The following PIEZO2 variants were observed in gnomAD, a reference collection of about 807,000 sequenced individuals.
PIEZO2 encodes the protein piezo type mechanosensitive ion channel component 2.
Under a neutral mutation model 337.3 loss-of-function variants are expected in PIEZO2, and 172 were observed. That is an observed-to-expected ratio of 0.51 (90% CI 0.45 to 0.58). The LOEUF (loss-of-function observed/expected upper bound fraction) is 0.58. Among genes scored for constraint, PIEZO2 ranks in the 20% least tolerant of loss-of-function variants. The pLI is 0.00. For synonymous variants in PIEZO2, 1,251 were observed against 1,228.5 expected (o/e 1.02, Z -0.38); for missense variants, 3,028 against 3,391.3 (o/e 0.89, Z 2.66).
chr18:11,058,470 C>G (rs556440368), intron 2 of PIEZO2, among the ~76,000 whole-genome samples: 2 of 152,106 alleles, frequency 1.3e-5, no homozygotes, highest in Non-Finnish European at 2.9e-5. Context: ...GATGATCAAA[C>G]TACTCTGAGC....
chr18:11,023,970 G>A (rs1025366031), intron 2 of PIEZO2, among the ~76,000 whole-genome samples: 2 of 152,156 alleles, frequency 1.3e-5, no homozygotes, highest in Non-Finnish European at 1.5e-5. Context: ...ACGCCCACCC[G>A]TAACTCCAGC....
In PIEZO2 at chr18:10,988,901, T is replaced by C. The variant is rs1291091776; in HGVS notation, c.161-9241A>G. Among the ~76,000 whole-genome samples, 1 of 151,246 alleles carries C rather than the reference T, an allele frequency of 6.6e-6. No homozygotes were observed. Among genetic ancestry groups the C allele is most frequent in the Non-Finnish European group, 1.5e-5 (1 of 67,818 alleles). On this transcript the variant is annotated intron_variant, in intron 2 of 55. Transcript: ENST00000674853. This position sits in a 1 kb window ranked among gnomAD's most constrained non-coding sequence, Gnocchi z 4.8. The stretch of plus-strand genomic sequence containing the variant: ...TAGCCTAACTTGTAGAAGCAGAGAG[T>C]AGAATGGTGGTTATAAGGGGCTGGG...
intron 2 of PIEZO2, among the ~76,000 whole-genome samples, chr18:11,000,976 TG>T (rs1166977236): frequency 6.6e-6 from 1 of 152,180 alleles, no homozygotes; most frequent in Non-Finnish European, 1.5e-5. Context: ...AAATTAAACA[TG>T]GGCTGTCCCC....
chr18:10,880,567 G>T (rs1414250905), intron 4 of PIEZO2, among the ~76,000 whole-genome samples: 1 of 152,036 alleles, frequency 6.6e-6, no homozygotes, highest in East Asian at 1.9e-4. Context: ...GCAAATCAGA[G>T]TTGGTGGAAA....
intron 47 of PIEZO2, 64 bp from the exon 48 acceptor site, chr18:10,691,447 T>A: frequency 2.0e-6 from 3 of 1,525,104 alleles, no homozygotes; most frequent in East Asian, 4.6e-5. Context: ...AGGATGGCAG[T>A]GTCAAATTAA....
rs1414117252 is a variant in PIEZO2, at chr18:11,092,893, G to A, written c.65-26671C>T. Among the ~76,000 whole-genome samples, 1 of 152,120 alleles carries A rather than the reference G, an allele frequency of 6.6e-6. No individual in the cohort carries two copies. The highest frequency in any genetic ancestry group is 1.9e-4 in the East Asian group (1 of 5,204). On this transcript the variant is annotated intron_variant, in intron 1 of 55. Transcript: ENST00000674853. This position sits in a 1 kb window ranked among gnomAD's most constrained non-coding sequence, Gnocchi z 4.5. The stretch of plus-strand genomic sequence containing the variant: ...CACATCTCTTGCTATTCCCCCTCAA[G>A]AACTGTTCTCAAAAAATTGGCTTAA...
At chr18:11,055,360 A>C (rs2037692101) in intron 2 of PIEZO2, among the ~76,000 whole-genome samples, 2 of 152,222 alleles carry the variant, frequency 1.3e-5, no homozygotes, top group Non-Finnish European at 2.9e-5. Flanking sequence ...TTTGTCGCAC[A>C]AATAATTTTG....
chr18:10,986,696 A>C (rs1009042360), intron 2 of PIEZO2, among the ~76,000 whole-genome samples: 11 of 152,020 alleles, frequency 7.2e-5, no homozygotes, highest in African/African-American at 2.7e-4. Context: ...TCTATTTGAC[A>C]TAGTATGGGA....
intron 2 of PIEZO2, among the ~76,000 whole-genome samples, chr18:11,005,940 C>T (rs2035703233): frequency 6.6e-6 from 1 of 152,220 alleles, no homozygotes. Flanking sequence ...CGTTCCATCA[C>T]ATTTTAGGAA....
At chr18:10,755,831 TGAG>T (rs74794516) in intron 27 of PIEZO2, among the ~76,000 whole-genome samples, 31,456 of 151,132 alleles carry the variant, frequency 0.21, 3,835 homozygotes, top group South Asian at 0.28. Flanking sequence ...GACCAAGGGA[TGAG>T]GAGGAGAGAT....
At chr18:10,698,180 A>G (rs2035182855) in intron 44 of PIEZO2, among the ~76,000 whole-genome samples, 1 of 152,210 alleles carries the variant, frequency 6.6e-6, no homozygotes, top group Admixed American at 6.5e-5. Flanking sequence ...GGTGTTCCAG[A>G]TAGGATGCCC....
chr18:11,053,149 A>G (rs888621986), intron 2 of PIEZO2, among the ~76,000 whole-genome samples: 4 of 152,200 alleles, frequency 2.6e-5, no homozygotes, highest in African/African-American at 4.8e-5. Flanking sequence ...TGTGAAAATT[A>G]AATTAATAAA....
chr18:10,851,826 G>A (rs1379967000), intron 7 of PIEZO2, among the ~76,000 whole-genome samples: 1 of 151,972 alleles, frequency 6.6e-6, no homozygotes, highest in Non-Finnish European at 1.5e-5. Context: ...AAGAGCATAT[G>A]GTTCTCAAAG....
chr18:10,763,185 A>T, intron 21 of PIEZO2, 87 bp from the exon 22 acceptor site: 1 of 1,392,580 alleles, frequency 7.2e-7, no homozygotes, highest in Non-Finnish European at 9.7e-7. Context: ...GACTTGATTT[A>T]CTCAGTTCGG....
At chr18:10,900,855 A>G (rs539148245) in intron 4 of PIEZO2, among the ~76,000 whole-genome samples, 4 of 152,148 alleles carry the variant, frequency 2.6e-5, no homozygotes, top group Admixed American at 6.5e-5. Flanking sequence ...TTTGCCTAAA[A>G]TCCTTTCAAT....
intron 3 of PIEZO2, among the ~76,000 whole-genome samples, chr18:10,918,123 C>T (rs1340464574): frequency 3.3e-5 from 5 of 151,984 alleles, no homozygotes; most frequent in African/African-American, 4.8e-5. Context: ...TGATATATAC[C>T]CAAGGAATAC....
At position 10,726,531 on chromosome 18, in the gene PIEZO2, TCTG is replaced by T; in HGVS notation, c.5029+4873_5029+4875del. The T allele has an allele frequency of 3.4e-6, 5 of 1,456,478 alleles. No homozygotes were observed. In the South Asian group the frequency reaches 5.5e-5, roughly 16 times the overall value. 90.2% of individuals were successfully genotyped at this position (1,456,478 alleles called of 1,614,324 possible). A position where few individuals can be genotyped will look rare whatever the true frequency, so the allele number is the denominator to read the frequency against. On this transcript the variant is annotated intron_variant, in intron 36 of 55. Transcript: ENST00000674853. This position sits in a 1 kb window ranked among gnomAD's most constrained non-coding sequence, Gnocchi z 5.9. ...CCGTTCCTGTGGCGCGCTGCGCTGC[TCTG>T]CTCTGCTACACCAGCCGCCACGCTG...
At chr18:10,691,503 C>A in intron 47 of PIEZO2, 120 bp from the exon 48 acceptor site, 1 of 1,020,712 alleles carries the variant, frequency 9.8e-7, no homozygotes, top group Non-Finnish European at 1.4e-6. Context: ...CAACTCAATT[C>A]TAATGAACTG....
chr18:11,062,571 C>A (rs1314911079), intron 2 of PIEZO2, among the ~76,000 whole-genome samples: 3 of 150,656 alleles, frequency 2.0e-5, no homozygotes, highest in African/African-American at 7.3e-5. Context: ...AAGAAAAAAA[C>A]AAACAACCCC....
Sources: gnomAD v4.1 joint callset for allele counts (sites outside exome capture counted in the v4.1 genomes callset) on GRCh38, gnomAD v4.1.1 for gene constraint, Gnocchi (gnomAD v3.1) non-coding constraint, MANE v1.5 for transcripts, NCBI Gene and HGNC (gene_info 2026-07-23, HGNC 2026-07-21) for gene names.